Variants in SFSWAP observed in about 807,000 individuals in gnomAD.
SFSWAP encodes splicing factor, suppressor of white-apricot homolog.
SFSWAP carries 17 observed loss-of-function variants against 100.7 expected under a neutral mutation model. The ratio of observed to expected loss-of-function variants is 0.17; its 90% CI spans 0.12 to 0.25. The LOEUF (loss-of-function observed/expected upper bound fraction) is 0.25, where lower values mean the gene tolerates loss of function less well. Ranked by LOEUF, SFSWAP falls within the 10% of genes least tolerant of loss-of-function variation. The probability of loss-of-function intolerance (pLI) is 1.00; values close to 1 mark genes in which losing one functional copy is unlikely to be tolerated. For synonymous variants in SFSWAP, 504 were observed against 510.1 expected (o/e 0.99, Z 0.16); for missense variants, 1,005 against 1,262.6 (o/e 0.80, Z 3.09).
At chr12:131,753,488 AGTT>A (rs1171700360) in intron 8 of SFSWAP, 125 bp downstream of exon 8, 19 of 1,241,436 alleles carry the variant, frequency 1.5e-5, no homozygotes, top group Admixed American at 2.9e-5. Context: ...TTGTCTGAGT[AGTT>A]ATTATTCCAA....
intron 10 of SFSWAP, among the ~76,000 whole-genome samples, chr12:131,755,695 ATTGT>A (rs1882092549): frequency 1.3e-5 from 2 of 152,214 alleles, no homozygotes; most frequent in African/African-American, 4.8e-5. Context: ...AGCATTGATG[ATTGT>A]TTGTCCAGCA....
At chr12:131,741,171 C>A (rs892839900) in intron 7 of SFSWAP, among the ~76,000 whole-genome samples, 6 of 151,782 alleles carry the variant, frequency 4.0e-5, no homozygotes, top group Non-Finnish European at 7.4e-5. Flanking sequence ...AGGGTTTCAC[C>A]ATCTTGGCCA....
chr12:131,747,082 C>T (rs570699235), intron 7 of SFSWAP, among the ~76,000 whole-genome samples: 62 of 133,644 alleles, frequency 4.6e-4, no homozygotes, highest in South Asian at 4.9e-4. Flanking sequence ...CCAGCCTGGG[C>T]AACAGAGCGA....
intron 7 of SFSWAP, among the ~76,000 whole-genome samples, chr12:131,746,837 G>T (rs1593141515): frequency 6.6e-6 from 1 of 152,166 alleles, no homozygotes; most frequent in South Asian, 2.1e-4. Flanking sequence ...GGGCATGCTG[G>T]CTCACGCCTA....
intron 4 of SFSWAP, among the ~76,000 whole-genome samples, chr12:131,721,193 C>T (rs1878446030): frequency 6.6e-6 from 1 of 152,164 alleles, no homozygotes; most frequent in Non-Finnish European, 1.5e-5. Context: ...GGATCCACCC[C>T]ATGATTCATT....
chr12:131,716,190 A>C (rs1049085402), intron 3 of SFSWAP, among the ~76,000 whole-genome samples: 2 of 152,218 alleles, frequency 1.3e-5, no homozygotes, highest in Admixed American at 1.3e-4. Flanking sequence ...CCCTGTCTTT[A>C]GTCCTGCTCC....
chr12:131,798,965 G>T, intron 16 of SFSWAP, 72 bp from the exon 17 acceptor site: 1 of 1,072,852 alleles, frequency 9.3e-7, no homozygotes, highest in Non-Finnish European at 1.5e-6. Flanking sequence ...CGGAGGTGGG[G>T]ATGCTGTTCA....
chr12:131,785,099 G>A (rs139197877), intron 14 of SFSWAP: 112 of 1,535,474 alleles, frequency 7.3e-5, no homozygotes, highest in Non-Finnish European at 9.1e-5. Context: ...GGGACGCTGC[G>A]CGCGGAGCCC....
At chr12:131,781,234 A>ATTATT (rs1566053368) in intron 14 of SFSWAP, among the ~76,000 whole-genome samples, 8 of 102,284 alleles carry the variant, frequency 7.8e-5, no homozygotes, top group Non-Finnish European at 1.7e-4. Context: ...ATATCTTATT[A>ATTATT]TTTTTTTTTT....
chr12:131,711,542 C>G lies in SFSWAP; in HGVS notation c.218+95C>G, dbSNP rs957763790. 4 of 1,070,774 alleles carry G rather than the reference C, an allele frequency of 3.7e-6. No homozygotes were observed. The highest frequency in any genetic ancestry group is 4.1e-5 in the Admixed American group (2 of 48,918). 66.3% of individuals were successfully genotyped at this position (1,070,774 alleles called of 1,614,324 possible). On this transcript the variant is annotated intron_variant, in intron 1 of 17. Transcript: ENST00000261674. This position sits in a 1 kb window ranked among gnomAD's most constrained non-coding sequence, Gnocchi z 4.9. ...GACTGCAAGGACTGCAGAGAGTTTTCTGGAGCCAGCGGGGATCTGGGGGAC... is the reference window on the plus strand; with the variant it reads ...GACTGCAAGGACTGCAGAGAGTTTTGTGGAGCCAGCGGGGATCTGGGGGAC...
chr12:131,734,579 C>G lies in SFSWAP; in HGVS notation c.1081+6151C>G, dbSNP rs1446879927. On this transcript the variant is annotated intron_variant, in intron 7 of 17. Transcript: ENST00000261674. This position sits in a 1 kb window ranked among gnomAD's most constrained non-coding sequence, Gnocchi z 4.9. The stretch of plus-strand genomic sequence containing the variant: ...GTGCATGTTTGAATGCCCTGTGGAC[C>G]CGGAGCTCTGTGAGGCAAAGGCTGG... Among the ~76,000 whole-genome samples, 4 of 152,172 alleles carry G rather than the reference C, an allele frequency of 2.6e-5. No homozygotes were observed. The highest frequency in any genetic ancestry group is 9.7e-5 in the African/African-American group (4 of 41,436).
At chr12:131,796,868 A>G (rs1373645714) in intron 15 of SFSWAP, 5 of 274,434 alleles carry the variant, frequency 1.8e-5, no homozygotes, top group Admixed American at 1.6e-4. Context: ...TATTGATGAA[A>G]CATAAGTGGC....
intron 7 of SFSWAP, among the ~76,000 whole-genome samples, chr12:131,741,764 T>C (rs1041400105): frequency 3.3e-5 from 5 of 152,178 alleles, no homozygotes; most frequent in African/African-American, 1.2e-4. Context: ...TGTTACCTTA[T>C]TTTTGTGCTT....
In SFSWAP at chr12:131,778,343, G is replaced by A. The variant is rs776665425; in HGVS notation, c.2408+13G>A. The A allele has an allele frequency of 1.2e-6, 2 of 1,608,488 alleles. No homozygotes were observed. The highest frequency in any genetic ancestry group is 1.1e-5 in the South Asian group (1 of 90,832). ...TGCGGCGGTCGAGGTGGGTGTGAAG[G>A]GGGCAGCACCTCTGGTACCCTCATG... is the stretch of plus-strand genomic sequence containing the variant. On this transcript the variant is annotated intron_variant, in intron 14 of 17. Coordinates refer to ENST00000261674, the MANE Select transcript of SFSWAP (RefSeq NM_004592.4). The surrounding 1 kb of genome is among the most constrained non-coding windows in gnomAD (Gnocchi z 4.2).
intron 13 of SFSWAP, among the ~76,000 whole-genome samples, chr12:131,775,814 G>T (rs1343357590): frequency 2.0e-5 from 3 of 152,028 alleles, no homozygotes; most frequent in African/African-American, 7.3e-5. Flanking sequence ...TTTTAGCTGG[G>T]CACGGTGGTT....
At chr12:131,775,299 T>G (rs1251803081) in intron 13 of SFSWAP, among the ~76,000 whole-genome samples, 1 of 151,624 alleles carries the variant, frequency 6.6e-6, no homozygotes, top group Non-Finnish European at 1.5e-5. Context: ...TCTTCAGCTC[T>G]CTCTTTGTTT....
intron 1 of SFSWAP, chr12:131,713,827 T>C (rs1877624822): frequency 3.3e-6 from 1 of 305,102 alleles, no homozygotes; most frequent in Non-Finnish European, 5.9e-6. Flanking sequence ...TAGTTATAAA[T>C]GTTATCTTAC....
At chr12:131,796,561 A>C (rs1030247023) in intron 15 of SFSWAP, 2 of 152,604 alleles carry the variant, frequency 1.3e-5, no homozygotes, top group African/African-American at 2.4e-5. Flanking sequence ...GCGGCGGACA[A>C]CTGGCAGGTC....
At chr12:131,715,395 T>A (rs538304670) in intron 3 of SFSWAP, among the ~76,000 whole-genome samples, 23 of 152,336 alleles carry the variant, frequency 1.5e-4, no homozygotes, top group African/African-American at 5.5e-4. Flanking sequence ...TGAGGGAGTT[T>A]CTACTCCCCA....
Sources: allele counts gnomAD v4.1 joint callset (sites outside exome capture counted in the v4.1 genomes callset), GRCh38; gene constraint gnomAD v4.1.1; non-coding constraint Gnocchi (gnomAD v3.1); transcripts MANE v1.5; gene names NCBI Gene and HGNC (gene_info 2026-07-23, HGNC 2026-07-21).